The following PRH1 variants were observed in gnomAD, a reference collection of about 807,000 sequenced individuals.
PRH1 encodes salivary acidic proline-rich phosphoprotein 1/2.
In PRH1, 7 loss-of-function variants were observed where a neutral mutation model predicts 7.9. The observed-to-expected ratio is 0.89, with a 90% CI of 0.50 to 1.67. The LOEUF is 1.67. PRH1 is among the 40% of genes most tolerant of loss of function. The probability of loss-of-function intolerance (pLI) is 0.00; values close to 1 mark genes in which losing one functional copy is unlikely to be tolerated. For missense variants in PRH1, 109 were observed against 223.6 expected, an observed-to-expected ratio of 0.49 and a Z score of 3.27; for synonymous variants, 45 against 80.8, an observed-to-expected ratio of 0.56 and a Z score of 2.38.
rs1429279210 is a variant in PRH1 at position 11,089,338 on chromosome 12, T to C, written n.124-42150A>G. Among the ~76,000 whole-genome samples the C allele has an allele frequency of 2.6e-5, 3 of 116,094 alleles. 1 individual carries two copies. Among genetic ancestry groups the C allele is most frequent in the Non-Finnish European group, 6.1e-5 (3 of 48,978 alleles). The allele number at this position is 116,094 out of a possible 152,430, so 76.2% of individuals were successfully genotyped here. ...TGACCAATAAGAAATAGAAGACTAA[T>C]GACAGCCGAGCAGATACATTCTCCC... On this transcript the variant is annotated intron_variant and non_coding_transcript_variant, in intron 1 of 4. Coordinates refer to the PRH1 transcript ENST00000541977.
chr12:11,051,102 G>C (rs7966304), upstream of PRH1, among the ~76,000 whole-genome samples: 8,980 of 99,540 alleles, frequency 0.09, no homozygotes, highest in East Asian at 0.33. Context: ...AAAAACTTAA[G>C]TGATATAGGT....
At chr12:10,975,224 T>C (rs1176813255) in intron 1 of PRH1, among the ~76,000 whole-genome samples, 1 of 152,234 alleles carries the variant, frequency 6.6e-6, no homozygotes, top group South Asian at 2.1e-4. Flanking sequence ...ATGGACCTTT[T>C]AGTAGAAGCC....
chr12:11,023,550 C>T (rs1435782127), intron 1 of PRH1, among the ~76,000 whole-genome samples: 6 of 152,182 alleles, frequency 3.9e-5, no homozygotes, highest in Non-Finnish European at 2.9e-5. Context: ...AGGGTGACTA[C>T]CTTGACCTTG....
intron 1 of PRH1, among the ~76,000 whole-genome samples, chr12:11,160,700 C>G (rs1421643996): frequency 1.3e-5 from 2 of 152,108 alleles, no homozygotes; most frequent in East Asian, 3.9e-4. Flanking sequence ...GTCTCAAACT[C>G]CTGACCTCGT....
At chr12:11,119,383 AATG>A (rs1945827014), downstream of PRH1, among the ~76,000 whole-genome samples, 1 of 152,258 alleles carries the variant, frequency 6.6e-6, no homozygotes, top group African/African-American at 2.4e-5. Flanking sequence ...GACTATAGTC[AATG>A]ATAATTTAGC....
At chr12:11,024,500 G>A (rs1941813429) in intron 1 of PRH1, among the ~76,000 whole-genome samples, 1 of 152,124 alleles carries the variant, frequency 6.6e-6, no homozygotes, top group Non-Finnish European at 1.5e-5. Context: ...AAACTCAATA[G>A]CTTGGTTTGG....
chr12:11,070,780 C>T (rs1473303884), intron 1 of PRH1, among the ~76,000 whole-genome samples: 1 of 151,680 alleles, frequency 6.6e-6, no homozygotes, highest in Non-Finnish European at 1.5e-5. Context: ...CACTGTGGTC[C>T]ATGAGATGGA....
chr12:10,935,537 T>TGCAGA (rs1199079555), intron 2 of PRH1, among the ~76,000 whole-genome samples: 1 of 152,154 alleles, frequency 6.6e-6, no homozygotes, highest in Non-Finnish European at 1.5e-5. Flanking sequence ...GAGGAACATC[T>TGCAGA]GCAGAGCATG....
At chr12:11,099,918 A>G (rs1945185148) in intron 1 of PRH1, among the ~76,000 whole-genome samples, 1 of 152,210 alleles carries the variant, frequency 6.6e-6, no homozygotes, top group Admixed American at 6.5e-5. Context: ...TGTGAGGTGG[A>G]TAATTAAGGC....
chr12:10,984,766 T>G (rs1281255571), intron 1 of PRH1, among the ~76,000 whole-genome samples: 1 of 152,098 alleles, frequency 6.6e-6, no homozygotes, highest in African/African-American at 2.4e-5. Context: ...TACATTTTCT[T>G]CCTATAATAG....
intron 1 of PRH1, chr12:11,133,013 A>T (rs796458093): frequency 4.9e-5 from 9 of 181,972 alleles, no homozygotes; most frequent in Non-Finnish European, 8.7e-5. Context: ...GTATGAAATA[A>T]ACATGGCTTC....
chr12:11,091,967 C>T (rs766598967), intron 1 of PRH1: 2 of 1,267,940 alleles, frequency 1.6e-6, no homozygotes, highest in South Asian at 2.3e-5. Flanking sequence ...GATCACTGCC[C>T]AGATATTATA....
chr12:11,146,241 G>C (rs1013587489), intron 1 of PRH1, among the ~76,000 whole-genome samples: 1 of 149,952 alleles, frequency 6.7e-6, no homozygotes, highest in Non-Finnish European at 1.5e-5. Context: ...TCTTTTTCTA[G>C]TATTCATTCT....
chr12:11,127,789 A>T (rs1047887326), intron 1 of PRH1, among the ~76,000 whole-genome samples: 1 of 150,188 alleles, frequency 6.7e-6, no homozygotes, highest in Non-Finnish European at 1.5e-5. Context: ...AGAATACTTA[A>T]ATATTAGTTA....
chr12:10,918,719 T>G (rs968873997), intron 2 of PRH1, among the ~76,000 whole-genome samples: 1 of 152,248 alleles, frequency 6.6e-6, no homozygotes, highest in Non-Finnish European at 1.5e-5. Flanking sequence ...ATGTGGCCAA[T>G]TTGAAATGCA....
intron 1 of PRH1, among the ~76,000 whole-genome samples, chr12:11,012,512 T>C (rs1941110504): frequency 6.6e-6 from 1 of 152,180 alleles, no homozygotes; most frequent in South Asian, 2.1e-4. Flanking sequence ...TTATTAGTTA[T>C]TCTTTCGATT....
intron 1 of PRH1, among the ~76,000 whole-genome samples, chr12:11,038,981 A>G (rs1433662816): frequency 6.6e-6 from 1 of 152,222 alleles, no homozygotes; most frequent in Non-Finnish European, 1.5e-5. Flanking sequence ...CCTTTAATCA[A>G]TCATTATGTC....
intron 1 of PRH1, among the ~76,000 whole-genome samples, chr12:11,128,527 C>T (rs566588123): frequency 1.1e-4 from 16 of 152,220 alleles, no homozygotes; most frequent in African/African-American, 3.9e-4. Flanking sequence ...GGTGGATCAC[C>T]TGAAGTCAGG....
chr12:11,115,390 G>C (rs1026385787), intron 1 of PRH1, among the ~76,000 whole-genome samples: 8 of 151,014 alleles, frequency 5.3e-5, no homozygotes, highest in South Asian at 2.1e-4. Context: ...GGAGCACCCA[G>C]ATATATAAAG....
Sources: gnomAD v4.1 joint callset for allele counts (sites outside exome capture counted in the v4.1 genomes callset) on GRCh38, gnomAD v4.1.1 for gene constraint, MANE v1.5 for transcripts, NCBI Gene and HGNC (gene_info 2026-07-23, HGNC 2026-07-21) for gene names.